GRIN2A: variants seen among roughly 807,000 people sequenced by gnomAD.
GRIN2A encodes glutamate ionotropic receptor NMDA type subunit 2A, also known as glutamate receptor ionotropic, NMDA 2A.
Under a neutral mutation model 113.4 loss-of-function variants are expected in GRIN2A, and 22 were observed. The observed-to-expected ratio is 0.19, with a 90% CI of 0.14 to 0.28. The LOEUF (loss-of-function observed/expected upper bound fraction) is 0.28. GRIN2A is among the 10% of genes least tolerant of loss of function. GRIN2A has a pLI of 1.00. For missense variants in GRIN2A, 1,502 were observed against 1,887.0 expected (o/e 0.80, Z 3.78); for synonymous variants, 827 against 738.4 (o/e 1.12, Z -1.94).
intron 2 of GRIN2A, among the ~76,000 whole-genome samples, chr16:9,964,308 T>C (rs16966740): frequency 0.014 from 2,115 of 152,318 alleles, 58 homozygotes; most frequent in African/African-American, 0.047. Flanking sequence ...TTGATAAATA[T>C]GGGACCTTGC....
intron 2 of GRIN2A, among the ~76,000 whole-genome samples, chr16:9,952,558 C>T (rs1412974296): frequency 1.3e-5 from 2 of 152,116 alleles, no homozygotes; most frequent in African/African-American, 4.8e-5. Flanking sequence ...TGAGAAATAC[C>T]TTTGAATCTG....
intron 2 of GRIN2A, among the ~76,000 whole-genome samples, chr16:9,980,070 G>A (rs1426122679): frequency 6.6e-6 from 1 of 151,546 alleles, no homozygotes; most frequent in East Asian, 1.9e-4. Context: ...GACCAGCCTG[G>A]CCAACATGGT....
intron 3 of GRIN2A, among the ~76,000 whole-genome samples, chr16:9,893,191 T>G (rs1195716310): frequency 6.6e-6 from 1 of 152,176 alleles, no homozygotes; most frequent in Non-Finnish European, 1.5e-5. Flanking sequence ...TGAAGACAAA[T>G]TAATGATGCA....
At chr16:9,825,662 TAC>T (rs1208006427) in intron 9 of GRIN2A, among the ~76,000 whole-genome samples, 1 of 152,218 alleles carries the variant, frequency 6.6e-6, no homozygotes, top group African/African-American at 2.4e-5. Flanking sequence ...CTATTTCTAG[TAC>T]AGTCTTCTGT....
intron 10 of GRIN2A, among the ~76,000 whole-genome samples, chr16:9,813,288 T>C (rs1321200610): frequency 1.3e-5 from 2 of 152,182 alleles, no homozygotes; most frequent in Non-Finnish European, 2.9e-5. Flanking sequence ...CAAATTTGCA[T>C]ATGCACCGAC....
intron 11 of GRIN2A, among the ~76,000 whole-genome samples, chr16:9,771,185 T>C (rs1422385781): frequency 6.6e-6 from 1 of 151,656 alleles, no homozygotes; most frequent in Non-Finnish European, 1.5e-5. Context: ...CCTAATGGTA[T>C]ATAATAGTCC....
intron 2 of GRIN2A, among the ~76,000 whole-genome samples, chr16:10,168,330 C>T (rs922595316): frequency 6.6e-6 from 1 of 152,220 alleles, no homozygotes; most frequent in African/African-American, 2.4e-5. Context: ...ATTCCTCCTC[C>T]ATGCCAGGCA....
At chr16:9,799,332 T>A (rs891043961) in intron 10 of GRIN2A, among the ~76,000 whole-genome samples, 17 of 152,282 alleles carry the variant, frequency 1.1e-4, no homozygotes, top group Middle Eastern at 6.8e-3. Flanking sequence ...ATATGAAGAC[T>A]GGAGTTATGC....
chr16:9,991,846 A>G (rs1258861401), intron 2 of GRIN2A, among the ~76,000 whole-genome samples: 1 of 152,202 alleles, frequency 6.6e-6, no homozygotes, highest in Non-Finnish European at 1.5e-5. Context: ...TGGGAGTTGA[A>G]CAATGAGAAT....
chr16:10,126,033 G>A lies in GRIN2A; in HGVS notation c.414+53965C>T, dbSNP rs377340983. Among the ~76,000 whole-genome samples, 12 of 152,234 alleles carry A rather than the reference G, an allele frequency of 7.9e-5. No individual in the cohort carries two copies. In the East Asian group the frequency reaches 1.4e-3, roughly 17 times the overall value. ...TCCCTGCCTTCACCAGAATGAAGTAGGGAGGCTTAGAGCTCCTTCCAACTG... is the reference window on the plus strand; with the variant it reads ...TCCCTGCCTTCACCAGAATGAAGTAAGGAGGCTTAGAGCTCCTTCCAACTG... On this transcript the variant is annotated intron_variant, in intron 2 of 12. Coordinates refer to ENST00000330684, the MANE Select transcript of GRIN2A (RefSeq NM_001134407.3).
rs540694557 is a variant in GRIN2A, at chr16:10,145,058, T to C, written c.414+34940A>G. ...AGTAACATGGAAAAACCTGGACCAT[T>C]CTGCTATGTGAAATAAGACCATTAC... On this transcript the variant is annotated intron_variant, in intron 2 of 12. Coordinates refer to ENST00000330684, the MANE Select transcript of GRIN2A (RefSeq NM_001134407.3). Among the ~76,000 whole-genome samples, 5 of 149,804 alleles carry C rather than the reference T, an allele frequency of 3.3e-5. No homozygotes were observed. The South Asian group carries it at 1.1e-3, about 32-fold the overall frequency.
At chr16:9,778,331 C>T (rs1374075130) in intron 11 of GRIN2A, among the ~76,000 whole-genome samples, 1 of 152,170 alleles carries the variant, frequency 6.6e-6, no homozygotes, top group Non-Finnish European at 1.5e-5. Context: ...ACCAATCTGC[C>T]TCACACAAAT....
chr16:9,940,697 CCAAAA>C (rs199854456), intron 2 of GRIN2A, among the ~76,000 whole-genome samples: 18 of 152,056 alleles, frequency 1.2e-4, no homozygotes, highest in African/African-American at 4.1e-4. Context: ...AATATTGTGT[CCAAAA>C]CAAAACAAAA....
At chr16:10,103,082 C>A (rs562782932) in intron 2 of GRIN2A, among the ~76,000 whole-genome samples, 1 of 152,296 alleles carries the variant, frequency 6.6e-6, no homozygotes, top group Non-Finnish European at 1.5e-5. Flanking sequence ...ACTAATATAG[C>A]AATTCCTTTT....
chr16:9,990,805 G>A (rs1349341443), intron 2 of GRIN2A, among the ~76,000 whole-genome samples: 3 of 151,930 alleles, frequency 2.0e-5, no homozygotes, highest in Admixed American at 6.6e-5. Flanking sequence ...GGTGGCTCAC[G>A]CCTGTAATCC....
chr16:9,891,047 C>T lies in GRIN2A; in HGVS notation c.1061G>A (p.Gly354Asp). Residue 354 changes from glycine to aspartate, a missense_variant, in exon 4 of 13, where the codon GGC becomes GAC. Coordinates refer to ENST00000330684, the MANE Select transcript of GRIN2A (RefSeq NM_001134407.3). ...DGKDLSFTEEGYQVHPRLVVI... is the reference protein window; with the variant it reads ...DGKDLSFTEEDYQVHPRLVVI... Reference sequence around the variant, plus strand: ...CACCAGCCTGGGGTGCACCTGGTAGCCTTCCTCAGTGAAGGATAAGTCTTT... The same window carrying T: ...CACCAGCCTGGGGTGCACCTGGTAGTCTTCCTCAGTGAAGGATAAGTCTTT... The T allele has an allele frequency of 6.2e-7, 1 of 1,613,622 alleles. No individual in the cohort carries two copies.
chr16:10,098,584 A>C (rs1003052252), intron 2 of GRIN2A, among the ~76,000 whole-genome samples: 17 of 152,238 alleles, frequency 1.1e-4, no homozygotes, highest in African/African-American at 4.1e-4. Flanking sequence ...GTGGCTAAAC[A>C]AATTGTGGTA....
intron 2 of GRIN2A, among the ~76,000 whole-genome samples, chr16:10,068,445 G>A (rs2047690112): frequency 1.3e-5 from 2 of 152,176 alleles, no homozygotes; most frequent in African/African-American, 4.8e-5. Context: ...CACATCACAT[G>A]GCCAGAGCAG....
chr16:10,102,319 T>C (rs2142113356), intron 2 of GRIN2A, among the ~76,000 whole-genome samples: 1 of 152,176 alleles, frequency 6.6e-6, no homozygotes, highest in East Asian at 1.9e-4. Flanking sequence ...TTTAAAAGAG[T>C]GTGGCACTGA....
Sources: gnomAD v4.1 joint callset for allele counts (sites outside exome capture counted in the v4.1 genomes callset) on GRCh38, gnomAD v4.1.1 for gene constraint, MANE v1.5 for transcripts, NCBI Gene and HGNC (gene_info 2026-07-23, HGNC 2026-07-21) for gene names.